EHBP1: variants seen among roughly 807,000 people sequenced by gnomAD.
EHBP1 encodes EH domain-binding protein 1.
Under a neutral mutation model 144.0 loss-of-function variants are expected in EHBP1, and 55 were observed. That is an observed-to-expected ratio of 0.38 (90% CI 0.31 to 0.48). The LOEUF is 0.48. Among genes scored for constraint, EHBP1 ranks in the 20% least tolerant of loss-of-function variants. The pLI is 0.98. For missense variants in EHBP1, 1,200 were observed against 1,364.2 expected (o/e 0.88, Z 1.90); for synonymous variants, 469 against 472.7 (o/e 0.99, Z 0.10).
In EHBP1 at chr2:62,845,453, A is replaced by T. The variant is rs2048223027; in HGVS notation, c.635-13716A>T. ...GATGGTAGTAGAGGAGATACCAATT[A>T]CATATTAAGGAGCTAGAGTTGATGA... On this transcript the variant is annotated intron_variant, in intron 7 of 22. Transcript: ENST00000431489. Among the ~76,000 whole-genome samples, 5 of 152,304 alleles carry T rather than the reference A, an allele frequency of 3.3e-5. No homozygotes were observed. In the South Asian group the frequency reaches 1.0e-3, roughly 32 times the overall value.
chr2:63,012,802 A>C (rs2060324106), intron 19 of EHBP1, among the ~76,000 whole-genome samples: 1 of 152,168 alleles, frequency 6.6e-6, no homozygotes, highest in African/African-American at 2.4e-5. Flanking sequence ...AGCTGTTGAC[A>C]TTCTTTTGGG....
chr2:62,892,567 G>T (rs951914948), intron 10 of EHBP1, among the ~76,000 whole-genome samples: 1 of 151,938 alleles, frequency 6.6e-6, no homozygotes, highest in Non-Finnish European at 1.5e-5. Flanking sequence ...GAAAAAATTT[G>T]ATCATGTGTT....
intron 5 of EHBP1, among the ~76,000 whole-genome samples, chr2:62,789,710 A>G (rs1175157535): frequency 6.6e-6 from 1 of 152,194 alleles, no homozygotes; most frequent in Non-Finnish European, 1.5e-5. Context: ...TCTCATACCC[A>G]ATGCTGAATA....
chr2:62,976,864 TTTTCTA>T (rs1458169645), intron 14 of EHBP1, among the ~76,000 whole-genome samples: 1 of 152,234 alleles, frequency 6.6e-6, no homozygotes, highest in South Asian at 2.1e-4. Flanking sequence ...TCCTTTTAGT[TTTTCTA>T]TTTCTATTAT....
Position 62,709,305 on chromosome 2 carries a change from A to G in EHBP1, c.104+2010A>G, listed in dbSNP as rs143231471. 3.9e-5 allele frequency among the ~76,000 whole-genome samples: 6 copies of G among 152,240 alleles called. No individual in the cohort carries two copies. The East Asian group carries it at 1.2e-3, about 29-fold the overall frequency. ...GGGAGAAGAAAAGGGCTAGATTGACATCCAAGCTTTTGTGTTGGAAATTTG... is the reference window on the plus strand; with the variant it reads ...GGGAGAAGAAAAGGGCTAGATTGACGTCCAAGCTTTTGTGTTGGAAATTTG... On this transcript the variant is annotated intron_variant, in intron 2 of 22. Transcript: ENST00000431489.
At chr2:62,887,942 T>G (rs2052079757) in intron 10 of EHBP1, among the ~76,000 whole-genome samples, 1 of 152,250 alleles carries the variant, frequency 6.6e-6, no homozygotes, top group Non-Finnish European at 1.5e-5. Context: ...ATGTTAATTT[T>G]CAGAACATAG....
chr2:62,934,794 A>G (rs960007214), intron 10 of EHBP1, among the ~76,000 whole-genome samples: 15 of 152,184 alleles, frequency 9.9e-5, no homozygotes, highest in African/African-American at 3.6e-4. Context: ...TTCGAGTTAG[A>G]TACAGTTCAC....
chr2:62,732,511 G>A (rs1429601662), intron 2 of EHBP1, among the ~76,000 whole-genome samples: 2 of 152,098 alleles, frequency 1.3e-5, no homozygotes, highest in African/African-American at 4.8e-5. Flanking sequence ...CATCCCTCTA[G>A]TGCTGTTCTC....
chr2:62,733,746 T>C (rs2037840331), intron 2 of EHBP1, among the ~76,000 whole-genome samples: 1 of 152,260 alleles, frequency 6.6e-6, no homozygotes, highest in Admixed American at 6.5e-5. Context: ...GAGAACCTGG[T>C]AGGGCTCCTG....
chr2:62,997,323 A>C (rs1328549318), intron 19 of EHBP1, among the ~76,000 whole-genome samples: 2 of 152,078 alleles, frequency 1.3e-5, no homozygotes, highest in Non-Finnish European at 2.9e-5. Flanking sequence ...GATAGGTTAG[A>C]GCACCAAGTT....
chr2:62,675,346 A>C (rs2033246145), intron 1 of EHBP1, among the ~76,000 whole-genome samples: 1 of 152,262 alleles, frequency 6.6e-6, no homozygotes, highest in Non-Finnish European at 1.5e-5. Context: ...CCTCTACAGA[A>C]TGCATTTTAC....
intron 7 of EHBP1, among the ~76,000 whole-genome samples, chr2:62,855,718 T>C (rs1488736843): frequency 1.3e-5 from 2 of 152,188 alleles, no homozygotes; most frequent in African/African-American, 4.8e-5. Flanking sequence ...TTCTCAGAGC[T>C]GGGAAGTTGA....
chr2:62,724,849 A>G (rs1209488730), intron 2 of EHBP1, among the ~76,000 whole-genome samples: 1 of 152,142 alleles, frequency 6.6e-6, no homozygotes, highest in Non-Finnish European at 1.5e-5. Context: ...AGGAGCACAA[A>G]TGCTATTGTG....
intron 2 of EHBP1, among the ~76,000 whole-genome samples, chr2:62,716,352 G>A (rs1160988191): frequency 2.6e-5 from 4 of 152,182 alleles, no homozygotes; most frequent in Non-Finnish European, 4.4e-5. Flanking sequence ...TATGAAGCAG[G>A]CAAAGTCTAT....
chr2:62,898,689 T>C lies in EHBP1; in HGVS notation c.1185+24157T>C, dbSNP rs532875821. Among the ~76,000 whole-genome samples the C allele has an allele frequency of 2.0e-5, 3 of 151,944 alleles. No individual in the cohort carries two copies. In the East Asian group the frequency reaches 5.8e-4, roughly 29 times the overall value. On this transcript the variant is annotated intron_variant, in intron 10 of 22. Transcript: ENST00000431489. ...CCTAGCATTGGTGCTTAGTATGCAA[T>C]AGGTACTCAATAAATAATTGTTGGG... is the stretch of plus-strand genomic sequence containing the variant.
rs1213402676 is a variant in EHBP1, at chr2:62,894,941, G to GAGAGAGAA, written c.1185+20416_1185+20417insAAGAGAGA. ...AAACAGAAAGAAAGAGAGAGAGAGA[G>GAGAGAGAA]AGAGAGAGAGAGAGAATGCTGCAGG... On this transcript the variant is annotated intron_variant, in intron 10 of 22. Coordinates refer to ENST00000431489, the MANE Select transcript of EHBP1 (RefSeq NM_001142616.3). Among the ~76,000 whole-genome samples the GAGAGAGAA allele has an allele frequency of 8.0e-3, 1,217 of 151,590 alleles. 20 individuals are homozygous for GAGAGAGAA. Among genetic ancestry groups the GAGAGAGAA allele is most frequent in the African/African-American group, 0.028 (1,169 of 41,278 alleles).
intron 10 of EHBP1, among the ~76,000 whole-genome samples, chr2:62,879,235 C>T (rs766984432): frequency 6.6e-6 from 1 of 152,076 alleles, no homozygotes; most frequent in Non-Finnish European, 1.5e-5. Context: ...CAGAACAAAA[C>T]AAGGATGCCC....
intron 10 of EHBP1, among the ~76,000 whole-genome samples, chr2:62,909,872 C>T (rs2054078523): frequency 6.6e-6 from 1 of 152,160 alleles, no homozygotes; most frequent in African/African-American, 2.4e-5. Context: ...ATTCTCCTGC[C>T]TCAGCCTCCT....
intron 5 of EHBP1, among the ~76,000 whole-genome samples, chr2:62,774,780 G>A (rs2041938760): frequency 6.6e-6 from 1 of 152,160 alleles, no homozygotes; most frequent in African/African-American, 2.4e-5. Context: ...AGAAGGTCAA[G>A]GCTGCAGTGA....
Sources: gnomAD v4.1 joint callset for allele counts (sites outside exome capture counted in the v4.1 genomes callset) on GRCh38, gnomAD v4.1.1 for gene constraint, MANE v1.5 for transcripts, NCBI Gene and HGNC (gene_info 2026-07-23, HGNC 2026-07-21) for gene names.